The following PTPN1 variants were observed in gnomAD, a reference collection of about 807,000 sequenced individuals.
PTPN1 encodes the protein protein tyrosine phosphatase non-receptor type 1, also known as tyrosine-protein phosphatase non-receptor type 1.
In PTPN1, 12 loss-of-function variants were observed where a neutral mutation model predicts 59.9. The ratio of observed to expected loss-of-function variants is 0.20; its 90% CI spans 0.13 to 0.32. The LOEUF is 0.32. Among genes scored for constraint, PTPN1 ranks in the 10% least tolerant of loss-of-function variants. PTPN1 has a pLI of 1.00. For missense variants in PTPN1, 356 were observed against 549.2 expected (o/e 0.65, Z 3.52); for synonymous variants, 178 against 203.6 (o/e 0.87, Z 1.07).
rs3827091 is a variant in PTPN1, at chr20:50,513,070, C to A, written c.63+2480C>A. Among the ~76,000 whole-genome samples the A allele has an allele frequency of 2.5e-3, 374 of 152,218 alleles. 11 individuals carry two copies. In the East Asian group the frequency reaches 0.064, roughly 26 times the overall value. On this transcript the variant is annotated intron_variant, in intron 1 of 9. Coordinates refer to ENST00000371621, the MANE Select transcript of PTPN1 (RefSeq NM_002827.4). The stretch of plus-strand genomic sequence containing the variant: ...AACTTGAAAACTATTGGGAAAAGAA[C>A]AAAGAGTGAAGAGGACTTTTGAGTG...
chr20:50,522,382 A>G (rs1475253765), intron 1 of PTPN1, among the ~76,000 whole-genome samples: 2 of 152,226 alleles, frequency 1.3e-5, no homozygotes, highest in African/African-American at 4.8e-5. Context: ...TGAGACGGCT[A>G]CGAAGTAAGG....
At chr20:50,548,888 T>A (rs1371276360) in intron 1 of PTPN1, among the ~76,000 whole-genome samples, 1 of 152,032 alleles carries the variant, frequency 6.6e-6, no homozygotes. Flanking sequence ...TAGCTAATTT[T>A]TGTGTTTTTA....
chr20:50,548,791 C>T (rs948321344), intron 1 of PTPN1, among the ~76,000 whole-genome samples: 2 of 152,208 alleles, frequency 1.3e-5, no homozygotes, highest in Non-Finnish European at 2.9e-5. Flanking sequence ...AATCCCAGCT[C>T]ACTGCAACCT....
rs1041389495 is a variant in PTPN1, at chr20:50,585,107, A to G, written c.*2392A>G. Reference sequence around the variant, plus strand: ...ATCTCAAAACCATATCCCTTACCCAATTACCTGTAAGACACAATGGTTACC... The same window carrying G: ...ATCTCAAAACCATATCCCTTACCCAGTTACCTGTAAGACACAATGGTTACC... On this transcript the variant is annotated 3_prime_UTR_variant, in exon 10 of 10. Coordinates refer to ENST00000371621, the MANE Select transcript of PTPN1 (RefSeq NM_002827.4). 1 of 152,202 alleles carries G rather than the reference A, an allele frequency of 6.6e-6. No homozygotes were observed. The highest frequency in any genetic ancestry group is 1.5e-5 in the Non-Finnish European group (1 of 68,036). 9.4% of individuals were successfully genotyped at this position (152,202 alleles called of 1,614,324 possible). A position where few individuals can be genotyped will look rare whatever the true frequency, so the allele number is the denominator to read the frequency against.
intron 1 of PTPN1, among the ~76,000 whole-genome samples, chr20:50,528,022 C>G (rs1006926530): frequency 9.2e-5 from 14 of 152,194 alleles, no homozygotes; most frequent in Middle Eastern, 6.3e-3. Context: ...TATGGGACAG[C>G]CTTCAGAGGC....
At chr20:50,522,628 A>G (rs1279594416) in intron 1 of PTPN1, among the ~76,000 whole-genome samples, 1 of 152,204 alleles carries the variant, frequency 6.6e-6, no homozygotes, top group Non-Finnish European at 1.5e-5. Flanking sequence ...CTATTACTCT[A>G]TAGAGGTATG....
intron 5 of PTPN1, chr20:50,577,752 A>C (rs1370617059): frequency 2.0e-5 from 3 of 152,366 alleles, no homozygotes; most frequent in African/African-American, 7.2e-5. Context: ...GCCTCCAAAC[A>C]TCCACCTCCT....
At chr20:50,557,579 G>T (rs939438832) in intron 1 of PTPN1, 3 of 152,124 alleles carry the variant, frequency 2.0e-5, no homozygotes, top group African/African-American at 7.2e-5. Flanking sequence ...TCTGCACATA[G>T]TCACAGATAG....
intron 1 of PTPN1, among the ~76,000 whole-genome samples, chr20:50,551,668 G>A (rs959831354): frequency 3.9e-5 from 6 of 152,192 alleles, no homozygotes; most frequent in African/African-American, 1.2e-4. Flanking sequence ...GGTGTGGACT[G>A]GGGGAAGGAG....
intron 9 of PTPN1, among the ~76,000 whole-genome samples, chr20:50,581,826 G>A (rs2082870308): frequency 6.6e-6 from 1 of 151,012 alleles, no homozygotes; most frequent in Non-Finnish European, 1.5e-5. Flanking sequence ...TTTATAAAAA[G>A]CAGCTTTTTG....
chr20:50,525,216 C>T (rs2082569361), intron 1 of PTPN1, among the ~76,000 whole-genome samples: 2 of 152,200 alleles, frequency 1.3e-5, no homozygotes, highest in South Asian at 2.1e-4. Context: ...CCCGCCACTA[C>T]AGCCGGCTAA....
chr20:50,514,741 A>G (rs1039328459), intron 1 of PTPN1, among the ~76,000 whole-genome samples: 1 of 152,224 alleles, frequency 6.6e-6, no homozygotes, highest in African/African-American at 2.4e-5. Flanking sequence ...TGTTTCTGGT[A>G]ACAACTAATA....
intron 1 of PTPN1, among the ~76,000 whole-genome samples, chr20:50,531,408 G>A (rs529452979): frequency 1.3e-5 from 2 of 152,076 alleles, no homozygotes; most frequent in Admixed American, 6.5e-5. Context: ...ACTGAGTCTC[G>A]CTCTGTCACC....
intron 4 of PTPN1, chr20:50,572,216 T>G (rs1488907930): frequency 6.6e-6 from 1 of 152,254 alleles, no homozygotes; most frequent in Non-Finnish European, 1.5e-5. Flanking sequence ...CAGCCCAAGA[T>G]AGGACTCAAT....
chr20:50,530,665 G>A (rs2082596723), intron 1 of PTPN1, among the ~76,000 whole-genome samples: 1 of 151,136 alleles, frequency 6.6e-6, no homozygotes, highest in South Asian at 2.1e-4. Context: ...GGGATTACAA[G>A]CGTGAGCCAC....
chr20:50,527,083 T>C (rs1225628301), intron 1 of PTPN1, among the ~76,000 whole-genome samples: 4 of 152,190 alleles, frequency 2.6e-5, no homozygotes, highest in African/African-American at 9.7e-5. Flanking sequence ...CCATCTCACC[T>C]GTTCAAGGCA....
At chr20:50,551,161 A>G (rs1286657117) in intron 1 of PTPN1, among the ~76,000 whole-genome samples, 1 of 152,198 alleles carries the variant, frequency 6.6e-6, no homozygotes, top group Non-Finnish European at 1.5e-5. Context: ...CTGTTACCAG[A>G]GTTTTGTAAG....
At chr20:50,544,962 C>T (rs565300855) in intron 1 of PTPN1, among the ~76,000 whole-genome samples, 1 of 152,216 alleles carries the variant, frequency 6.6e-6, no homozygotes, top group East Asian at 1.9e-4. Context: ...GCATAAATTG[C>T]ACCACTGCAC....
chr20:50,572,006 T>C (rs1235812512), intron 4 of PTPN1: 1 of 152,242 alleles, frequency 6.6e-6, no homozygotes, highest in Non-Finnish European at 1.5e-5. Flanking sequence ...ATTACTTACT[T>C]AGTTCTCTGT....
Sources: gnomAD v4.1 joint callset for allele counts (sites outside exome capture counted in the v4.1 genomes callset) on GRCh38, gnomAD v4.1.1 for gene constraint, MANE v1.5 for transcripts, NCBI Gene and HGNC (gene_info 2026-07-23, HGNC 2026-07-21) for gene names.